Variants in PPP2R2A observed in about 807,000 individuals in gnomAD.
PPP2R2A encodes protein phosphatase 2 regulatory subunit Balpha, also known as serine/threonine-protein phosphatase 2A 55 kDa regulatory subunit B alpha isoform.
A neutral mutation model predicts 53.2 loss-of-function variants in PPP2R2A; 9 were observed. The ratio of observed to expected loss-of-function variants is 0.17; its 90% CI spans 0.10 to 0.30. PPP2R2A has a LOEUF of 0.30. Ranked by LOEUF, PPP2R2A falls within the 10% of genes least tolerant of loss-of-function variation. PPP2R2A has a pLI of 1.00. For missense variants in PPP2R2A, 235 were observed against 534.6 expected, an observed-to-expected ratio of 0.44 and a Z score of 5.53; for synonymous variants, 169 against 174.2, an observed-to-expected ratio of 0.97 and a Z score of 0.23.
chr8:26,358,838 G>T (rs1405547776), intron 4 of PPP2R2A: 1 of 438,964 alleles, frequency 2.3e-6, no homozygotes, highest in African/African-American at 2.0e-5. Flanking sequence ...CTTCCTGCAG[G>T]AGAATTCTAA....
At chr8:26,301,565 G>A (rs541359521) in intron 2 of PPP2R2A, among the ~76,000 whole-genome samples, 3 of 152,146 alleles carry the variant, frequency 2.0e-5, no homozygotes, top group Admixed American at 6.5e-5. Context: ...TGCTGATGGC[G>A]TTCGTTAGCT....
chr8:26,356,061 A>G (rs917053819), intron 4 of PPP2R2A, among the ~76,000 whole-genome samples: 1 of 152,206 alleles, frequency 6.6e-6, no homozygotes, highest in Non-Finnish European at 1.5e-5. Context: ...GCCGTAGTCT[A>G]TAAAAATTTG....
intron 2 of PPP2R2A, among the ~76,000 whole-genome samples, chr8:26,335,219 C>T (rs781478256): frequency 3.9e-5 from 6 of 152,162 alleles, no homozygotes; most frequent in Admixed American, 1.3e-4. Flanking sequence ...AATTCATTCT[C>T]CCTTCTTATT....
At chr8:26,345,561 T>C (rs1202588251) in intron 3 of PPP2R2A, among the ~76,000 whole-genome samples, 5 of 152,184 alleles carry the variant, frequency 3.3e-5, no homozygotes, top group Admixed American at 2.6e-4. Flanking sequence ...TTTCATGTCA[T>C]TCAGTTTTCT....
At chr8:26,348,021 C>G (rs748654634) in intron 3 of PPP2R2A, among the ~76,000 whole-genome samples, 2 of 152,080 alleles carry the variant, frequency 1.3e-5, no homozygotes, top group Admixed American at 1.3e-4. Context: ...ACCATTTCTG[C>G]CACTGTCCCT....
At chr8:26,318,723 C>A (rs947951141) in intron 2 of PPP2R2A, among the ~76,000 whole-genome samples, 4 of 152,084 alleles carry the variant, frequency 2.6e-5, no homozygotes, top group Non-Finnish European at 4.4e-5. Context: ...AGTTCCCAGC[C>A]CTGTAACTAT....
At position 26,365,298 on chromosome 8, in the gene PPP2R2A, TC is replaced by T. The variant is rs553380938; in HGVS notation, c.973-1016del. 22 of 152,348 alleles carry T rather than the reference TC, an allele frequency of 1.4e-4. No individual in the cohort carries two copies. The South Asian group carries it at 4.3e-3, about 30-fold the overall frequency. The allele number at this position is 152,348 out of a possible 1,614,324, so 9.4% of individuals were successfully genotyped here. ...TTTGTGTGATTGAAGGGTATTTTTT[TC>T]TTACTGATTTTTTTGTGTTACATGC... On this transcript the variant is annotated intron_variant, in intron 8 of 9. Transcript: ENST00000380737.
chr8:26,351,506 A>G (rs967816803), intron 3 of PPP2R2A, among the ~76,000 whole-genome samples: 1 of 152,246 alleles, frequency 6.6e-6, no homozygotes, highest in African/African-American at 2.4e-5. Flanking sequence ...CAACACAGAT[A>G]CAGACTATTT....
chr8:26,305,262 A>G (rs1251907810), intron 2 of PPP2R2A, among the ~76,000 whole-genome samples: 1 of 152,168 alleles, frequency 6.6e-6, no homozygotes, highest in African/African-American at 2.4e-5. Context: ...AGGCTGAATA[A>G]TAGACCATTG....
At chr8:26,363,546 TA>T in intron 7 of PPP2R2A, 174 bp from the exon 8 acceptor site, 1 of 549,312 alleles carries the variant, frequency 1.8e-6, no homozygotes, top group Admixed American at 3.4e-5. Flanking sequence ...AATATTCAAT[TA>T]AACTAAGAAG....
intron 2 of PPP2R2A, among the ~76,000 whole-genome samples, chr8:26,307,269 T>C (rs560696312): frequency 2.0e-5 from 3 of 152,214 alleles, no homozygotes; most frequent in Non-Finnish European, 4.4e-5. Context: ...TATACAAGTC[T>C]TTAAAAATAA....
intron 3 of PPP2R2A, among the ~76,000 whole-genome samples, chr8:26,347,434 A>C (rs991531714): frequency 2.0e-5 from 3 of 147,958 alleles, no homozygotes; most frequent in Non-Finnish European, 3.0e-5. Context: ...TTTTTTTTCC[A>C]TTCCTTTCAG....
chr8:26,305,707 G>T (rs571256604), intron 2 of PPP2R2A, among the ~76,000 whole-genome samples: 14 of 152,184 alleles, frequency 9.2e-5, no homozygotes, highest in African/African-American at 3.4e-4. Context: ...TACACCCTAC[G>T]TATGGTACTG....
intron 9 of PPP2R2A, among the ~76,000 whole-genome samples, chr8:26,367,020 A>G (rs1805411590): frequency 1.3e-5 from 2 of 152,174 alleles, no homozygotes; most frequent in African/African-American, 4.8e-5. Context: ...ACTATGTTCC[A>G]GTAGAACAGA....
At chr8:26,367,467 T>A (rs753501506) in intron 9 of PPP2R2A, among the ~76,000 whole-genome samples, 6 of 152,042 alleles carry the variant, frequency 3.9e-5, no homozygotes, top group South Asian at 2.1e-4. Context: ...ATATTAAAAA[T>A]TTTTTTTTAA....
intron 2 of PPP2R2A, among the ~76,000 whole-genome samples, chr8:26,329,793 G>A (rs1021099624): frequency 2.6e-5 from 4 of 152,170 alleles, no homozygotes; most frequent in African/African-American, 4.8e-5. Context: ...AAAGTTTACT[G>A]TGTAAATCAA....
chr8:26,322,430 T>C (rs769297407), intron 2 of PPP2R2A, among the ~76,000 whole-genome samples: 1 of 152,164 alleles, frequency 6.6e-6, no homozygotes, highest in African/African-American at 2.4e-5. Context: ...GAAGTTTTGA[T>C]GGACAGTGCT....
At chr8:26,339,560 CTTTTG>C (rs1436489524) in intron 3 of PPP2R2A, among the ~76,000 whole-genome samples, 1 of 151,978 alleles carries the variant, frequency 6.6e-6, no homozygotes, top group Non-Finnish European at 1.5e-5. Context: ...TTAAAGTGGG[CTTTTG>C]TTTTGTTTTT....
At chr8:26,326,480 A>G (rs1803093561) in intron 2 of PPP2R2A, among the ~76,000 whole-genome samples, 1 of 152,212 alleles carries the variant, frequency 6.6e-6, no homozygotes, top group Non-Finnish European at 1.5e-5. Flanking sequence ...AACTAGAACA[A>G]TTCTGGCAGG....
Sources: gnomAD v4.1 joint callset for allele counts (sites outside exome capture counted in the v4.1 genomes callset) on GRCh38, gnomAD v4.1.1 for gene constraint, MANE v1.5 for transcripts, NCBI Gene and HGNC (gene_info 2026-07-23, HGNC 2026-07-21) for gene names.